The following ADGRV1 variants were observed in gnomAD, a reference collection of about 807,000 sequenced individuals.
ADGRV1 encodes adhesion G protein-coupled receptor V1, also known as G-protein coupled receptor 98.
A neutral mutation model predicts 596.2 loss-of-function variants in ADGRV1; 359 were observed. That is an observed-to-expected ratio of 0.60 (90% CI 0.55 to 0.66). The LOEUF (loss-of-function observed/expected upper bound fraction) is 0.66. Among genes scored for constraint, ADGRV1 ranks in the 30% least tolerant of loss-of-function variants. ADGRV1 has a pLI of 0.00. For missense variants in ADGRV1, 7,274 were observed against 7,575.6 expected, an observed-to-expected ratio of 0.96 and a Z score of 1.48; for synonymous variants, 2,681 against 2,679.2, an observed-to-expected ratio of 1.00 and a Z score of -0.02.
intron 85 of ADGRV1, among the ~76,000 whole-genome samples, chr5:91,017,945 T>A (rs1321299171): frequency 6.6e-6 from 1 of 151,946 alleles, no homozygotes; most frequent in African/African-American, 2.4e-5. Flanking sequence ...CAGAAAACTA[T>A]AATTTTATAT....
chr5:91,151,373 TG>T (rs1796042352), intron 88 of ADGRV1, among the ~76,000 whole-genome samples: 1 of 152,212 alleles, frequency 6.6e-6, no homozygotes, highest in Middle Eastern at 3.2e-3. Flanking sequence ...TGTCAGGTGC[TG>T]GGGGTGAAAG....
At chr5:91,105,393 A>AT (rs904202804) in intron 87 of ADGRV1, among the ~76,000 whole-genome samples, 5 of 151,882 alleles carry the variant, frequency 3.3e-5, no homozygotes, top group African/African-American at 1.2e-4. Context: ...TCTATTGGCA[A>AT]TTTTTTTTAC....
Position 90,636,403 on chromosome 5 carries a change from G to T in ADGRV1, c.2016+1113G>T, listed in dbSNP as rs76090405. 9.1e-4 allele frequency among the ~76,000 whole-genome samples: 139 copies of T among 152,232 alleles called. 6 individuals are homozygous for T. The East Asian group carries it at 0.025, about 27-fold the overall frequency. On this transcript the variant is annotated intron_variant, in intron 10 of 89. Coordinates refer to ENST00000405460, the MANE Select transcript of ADGRV1 (RefSeq NM_032119.4). ...ATATTAGCTTCTATAAATGGACAGAGAAGTTTCATTTTTCAAGATGGTTTT... is the reference window on the plus strand; with the variant it reads ...ATATTAGCTTCTATAAATGGACAGATAAGTTTCATTTTTCAAGATGGTTTT...
chr5:91,027,247 CAAAT>C (rs1784097240), intron 85 of ADGRV1, among the ~76,000 whole-genome samples: 1 of 150,154 alleles, frequency 6.7e-6, no homozygotes, highest in Non-Finnish European at 1.5e-5. Context: ...ATCTATAAAA[CAAAT>C]AATGGACTAA....
Position 90,643,930 on chromosome 5 carries a change from C to A in ADGRV1, c.2681C>A (p.Ser894Tyr), listed in dbSNP as rs1580567109. The change falls in exon 14 of 90, where the codon TCT (serine) becomes TAT (tyrosine). Residue 894 changes from serine to tyrosine, a missense_variant. This residue lies in a region of ADGRV1 where 1,715 missense variants were observed against 1,708.8 expected (regional missense o/e 1.00). Coordinates refer to ENST00000405460, the MANE Select transcript of ADGRV1 (RefSeq NM_032119.4). The stretch of plus-strand genomic sequence containing the variant: ...CCTCATGGCATTATAGAATTTGTTT[C>A]TGATGGTCTAATTGTGATGATAAAT... ...DDPHGIIEFVSDGLIVMINES... is the reference protein window; with the variant it reads ...DDPHGIIEFVYDGLIVMINES... The A allele has an allele frequency of 6.2e-7, 1 of 1,612,228 alleles. No homozygotes were observed. The highest frequency in any genetic ancestry group is 2.2e-5 in the East Asian group (1 of 44,828).
At chr5:90,629,830 A>C in intron 9 of ADGRV1, 1 of 226,738 alleles carries the variant, frequency 4.4e-6, no homozygotes, top group Non-Finnish European at 8.6e-6. Flanking sequence ...ATGACATAGT[A>C]GAGTAACTTA....
chr5:90,582,842 T>C (rs966778265), intron 1 of ADGRV1, among the ~76,000 whole-genome samples: 23 of 152,212 alleles, frequency 1.5e-4, no homozygotes, highest in African/African-American at 5.3e-4. Flanking sequence ...GTGGCTGAGA[T>C]CACAGGTGCA....
chr5:90,968,148 GGACTATGTAGCTCCATTTGGCACA>G (rs2150978563), intron 84 of ADGRV1, among the ~76,000 whole-genome samples: 1 of 152,218 alleles, frequency 6.6e-6, no homozygotes, highest in South Asian at 2.1e-4. Flanking sequence ...AGGAAAGGGT[GGACTATGTAGCTCCATTTGGCACA>G]ACTCAGAGCA....
chr5:91,153,442 CTA>C, intron 89 of ADGRV1, 44 bp downstream of exon 89: 1 of 1,367,922 alleles, frequency 7.3e-7, no homozygotes, highest in Non-Finnish European at 9.9e-7. Flanking sequence ...GGCACTCTTG[CTA>C]TGTTACAATT....
intron 1 of ADGRV1, among the ~76,000 whole-genome samples, chr5:90,581,490 A>T (rs1381614933): frequency 6.6e-6 from 1 of 152,042 alleles, no homozygotes; most frequent in African/African-American, 2.4e-5. Context: ...TCTGTTTGTG[A>T]GTTTTCCTTC....
At chr5:90,974,773 T>G (rs538545547) in intron 84 of ADGRV1, among the ~76,000 whole-genome samples, 1 of 152,224 alleles carries the variant, frequency 6.6e-6, no homozygotes, top group South Asian at 2.1e-4. Flanking sequence ...GCAATACCAT[T>G]CAGGACATAA....
chr5:90,580,818 G>A (rs1190536354), intron 1 of ADGRV1, among the ~76,000 whole-genome samples: 2 of 149,844 alleles, frequency 1.3e-5, no homozygotes, highest in African/African-American at 2.4e-5. Context: ...TGTTGGGGAA[G>A]TTCTCCTGGA....
intron 87 of ADGRV1, among the ~76,000 whole-genome samples, chr5:91,114,831 C>T (rs1047366232): frequency 1.3e-5 from 2 of 152,306 alleles, no homozygotes; most frequent in East Asian, 1.9e-4. Flanking sequence ...CAGGCAGCTT[C>T]AGAAGTGGAA....
chr5:91,069,987 C>G (rs1788237310), intron 85 of ADGRV1, among the ~76,000 whole-genome samples: 1 of 150,200 alleles, frequency 6.7e-6, no homozygotes, highest in Admixed American at 6.6e-5. Flanking sequence ...GGCCATTATT[C>G]TAGGCAAATT....
rs1051862011 is a variant in ADGRV1, at chr5:90,674,187, A to G, written c.5063A>G (p.Glu1688Gly). Reference protein sequence around the residue: ...TPTSGASIDPEKETTDITIKA... With the variant: ...TPTSGASIDPGKETTDITIKA... ...ACCAGTGGTGCAAGCATAGATCCTGAAAAGGAAACGACTGATATCACCATC... is the reference window on the plus strand; with the variant it reads ...ACCAGTGGTGCAAGCATAGATCCTGGAAAGGAAACGACTGATATCACCATC... The change falls in exon 23 of 90, where the codon GAA (glutamate) becomes GGA (glycine). Residue 1688 changes from glutamate (E) to glycine (G), a missense_variant. This residue lies in a region of ADGRV1 where 3,643 missense variants were observed against 3,809.2 expected (regional missense o/e 0.96). Transcript: ENST00000405460. 1 of 1,612,216 alleles carries G rather than the reference A, an allele frequency of 6.2e-7. No homozygotes were observed. The highest frequency in any genetic ancestry group is 1.3e-5 in the African/African-American group (1 of 74,882).
At position 90,651,615 on chromosome 5, in the gene ADGRV1, G is replaced by T; in HGVS notation, c.3301G>T (p.Val1101Leu). Residue 1101 changes from valine (V) to leucine (L), a missense_variant, in exon 18 of 90, where the codon GTA becomes TTA. Val to Leu is a conservative substitution (Grantham distance 32). This residue lies in a region of ADGRV1 where 1,715 missense variants were observed against 1,708.8 expected (regional missense o/e 1.00). Coordinates refer to ENST00000405460, the MANE Select transcript of ADGRV1 (RefSeq NM_032119.4). ...ILLNSTGDTV[V>L]YQYGVATVII... ...CACTTTTAATTTAGGTGATACAGTAGTATATCAATATGGAGTAGCTACAGT... is the reference window on the plus strand; with the variant it reads ...CACTTTTAATTTAGGTGATACAGTATTATATCAATATGGAGTAGCTACAGT... 1 of 1,576,878 alleles carries T rather than the reference G, an allele frequency of 6.3e-7. No individual in the cohort carries two copies. The highest frequency in any genetic ancestry group is 8.7e-7 in the Non-Finnish European group (1 of 1,148,596).
intron 48 of ADGRV1, among the ~76,000 whole-genome samples, chr5:90,727,525 T>A (rs1751959868): frequency 6.6e-6 from 1 of 152,202 alleles, no homozygotes; most frequent in African/African-American, 2.4e-5. Flanking sequence ...TTTTTAAAAA[T>A]ATTAATTGAC....
chr5:90,861,769 G>GA (rs1767602772), intron 82 of ADGRV1, among the ~76,000 whole-genome samples: 1 of 152,076 alleles, frequency 6.6e-6, no homozygotes, highest in Admixed American at 6.6e-5. Context: ...AATTTCAGAT[G>GA]AAAAAATAAA....
chr5:90,621,891 A>G (rs16868861), intron 4 of ADGRV1, among the ~76,000 whole-genome samples: 1,898 of 152,274 alleles, frequency 0.012, 40 homozygotes, highest in African/African-American at 0.043. Flanking sequence ...GTACTAGGAT[A>G]AGCACTTGAT....
Sources: allele counts gnomAD v4.1 joint callset (sites outside exome capture counted in the v4.1 genomes callset), GRCh38; gene constraint gnomAD v4.1.1; regional missense constraint gnomAD v4.1.1; transcripts MANE v1.5; gene names NCBI Gene and HGNC (gene_info 2026-07-23, HGNC 2026-07-21).